The following SF3A3 variants were observed in gnomAD, a reference collection of about 807,000 sequenced individuals.
SF3A3 encodes splicing factor 3a subunit 3.
A neutral mutation model predicts 85.8 loss-of-function variants in SF3A3; 9 were observed. The ratio of observed to expected loss-of-function variants is 0.10; its 90% CI spans 0.06 to 0.18. The LOEUF (loss-of-function observed/expected upper bound fraction) is 0.18. Among genes scored for constraint, SF3A3 ranks in the 10% least tolerant of loss-of-function variants. SF3A3 has a pLI of 1.00. For synonymous variants in SF3A3, 195 were observed against 204.4 expected (o/e 0.95, Z 0.39); for missense variants, 306 against 593.3 (o/e 0.52, Z 5.03).
intron 6 of SF3A3, 184 bp downstream of exon 6, chr1:37,983,985 T>C: frequency 2.3e-6 from 1 of 438,800 alleles, no homozygotes; most frequent in Non-Finnish European, 4.0e-6. Context: ...TTGTTTTCAC[T>C]GTAGAAAACT....
intron 15 of SF3A3, among the ~76,000 whole-genome samples, chr1:37,961,350 T>C (rs1205819987): frequency 6.6e-6 from 1 of 152,076 alleles, no homozygotes; most frequent in Non-Finnish European, 1.5e-5. Flanking sequence ...TTTGGGAAGC[T>C]GAGGCAGGCG....
chr1:37,982,339 T>C (rs1344423199), intron 6 of SF3A3, among the ~76,000 whole-genome samples: 3 of 152,142 alleles, frequency 2.0e-5, no homozygotes, highest in South Asian at 2.1e-4. Flanking sequence ...CCTTTTGAGA[T>C]TGTCATATTA....
chr1:37,988,851 G>A (rs1167398282), intron 2 of SF3A3, among the ~76,000 whole-genome samples: 2 of 148,432 alleles, frequency 1.3e-5, no homozygotes, highest in African/African-American at 2.6e-5. Context: ...TAACATACGG[G>A]GTGTGTTGTG....
At chr1:37,981,873 A>G (rs1182215207) in intron 6 of SF3A3, 62 bp from the exon 7 acceptor site, 21 of 924,084 alleles carry the variant, frequency 2.3e-5, no homozygotes, top group Non-Finnish European at 3.4e-5. Context: ...ACAAGTTACA[A>G]TATAATCTCC....
At chr1:37,972,213 C>T (rs1271782899) in intron 12 of SF3A3, among the ~76,000 whole-genome samples, 1 of 152,142 alleles carries the variant, frequency 6.6e-6, no homozygotes, top group Non-Finnish European at 1.5e-5. Context: ...ACACCAATAA[C>T]AGATAAACGG....
rs10673830 is a variant in SF3A3, at chr1:37,985,949, C to CTTTTTTT, written c.304-1177_304-1171dup. ...TTCTCCCCTTCTTTTTCCTACCAGA[C>CTTTTTTT]TTTTTTTTTTTTTTTTTTTGACGGA... is the stretch of plus-strand genomic sequence containing the variant. On this transcript the variant is annotated intron_variant, in intron 4 of 16. Transcript: ENST00000373019. Among the ~76,000 whole-genome samples the CTTTTTTT allele has an allele frequency of 2.5e-5, 3 of 118,938 alleles. 1 individual carries two copies. Among genetic ancestry groups the CTTTTTTT allele is most frequent in the Non-Finnish European group, 3.3e-5 (2 of 60,474 alleles). The allele number at this position is 118,938 out of a possible 152,430, so 78.0% of individuals were successfully genotyped here.
chr1:37,982,661 C>T lies in SF3A3; in HGVS notation c.469-850G>A, dbSNP rs145984878. ...TGCTGGGGTTACAGGCGTGAGCCACCGCGCCCGGCCTGTGATAAGCTATTT... is the reference window on the plus strand; with the variant it reads ...TGCTGGGGTTACAGGCGTGAGCCACTGCGCCCGGCCTGTGATAAGCTATTT... On this transcript the variant is annotated intron_variant, in intron 6 of 16. Coordinates refer to ENST00000373019, the MANE Select transcript of SF3A3 (RefSeq NM_006802.4). 2.5e-4 allele frequency among the ~76,000 whole-genome samples: 38 copies of T among 151,906 alleles called. No homozygotes were observed. The South Asian group carries it at 3.7e-3, about 15-fold the overall frequency.
At chr1:37,979,609 AT>A in intron 8 of SF3A3, 76 bp from the exon 9 acceptor site, 1 of 1,126,796 alleles carries the variant, frequency 8.9e-7, no homozygotes, top group Non-Finnish European at 1.3e-6. Context: ...TAATCTCAGC[AT>A]TTTGGGAGGC....
rs1646315905 is a variant in SF3A3, at chr1:37,968,209, C to T, written c.1282-75G>A. 31 of 873,140 alleles carry T rather than the reference C, an allele frequency of 3.6e-5. No individual in the cohort carries two copies. In the South Asian group the frequency reaches 4.2e-4, roughly 12 times the overall value. The allele number at this position is 873,140 out of a possible 1,614,324, so 54.1% of individuals were successfully genotyped here. A position where few individuals can be genotyped will look rare whatever the true frequency, so the allele number is the denominator to read the frequency against. ...CACAGAGCACTAACTCCATTCTACT[C>T]ATAAATCCTAACATGGCCCTTTGCA... On this transcript the variant is annotated intron_variant, in intron 14 of 16. Coordinates refer to ENST00000373019, the MANE Select transcript of SF3A3 (RefSeq NM_006802.4).
chr1:37,960,398 A>C (rs1646248866), intron 15 of SF3A3: 2 of 501,694 alleles, frequency 4.0e-6, no homozygotes, highest in South Asian at 7.0e-5. Context: ...AGTTGGATCA[A>C]ATATAACCAA....
At chr1:37,960,951 CCAA>C (rs1459559478) in intron 15 of SF3A3, among the ~76,000 whole-genome samples, 1 of 151,956 alleles carries the variant, frequency 6.6e-6, no homozygotes, top group African/African-American at 2.4e-5. Context: ...CTGTGCCTGG[CCAA>C]CAACTTGAAT....
intron 4 of SF3A3, among the ~76,000 whole-genome samples, chr1:37,986,556 A>C (rs1223350070): frequency 1.3e-5 from 2 of 151,838 alleles, no homozygotes; most frequent in Non-Finnish European, 2.9e-5. Context: ...TCATGCCTGT[A>C]ATCCCAGCAC....
intron 2 of SF3A3, among the ~76,000 whole-genome samples, chr1:37,988,223 C>T (rs761678431): frequency 2.6e-5 from 4 of 152,168 alleles, no homozygotes; most frequent in Admixed American, 1.3e-4. Context: ...TATTTCAAAA[C>T]GCTTGACTGA....
At chr1:37,989,466 C>G (rs1299577981) in intron 2 of SF3A3, 82 bp downstream of exon 2, 1 of 1,477,936 alleles carries the variant, frequency 6.8e-7, no homozygotes, top group Non-Finnish European at 9.3e-7. Context: ...GCCAGGGACT[C>G]ATGCTGAGAC....
intron 16 of SF3A3, 113 bp downstream of exon 16, chr1:37,960,007 A>T: frequency 1.4e-6 from 1 of 721,770 alleles, no homozygotes. Context: ...ATATTGTCAC[A>T]TTCTACTCGC....
At chr1:37,967,894 CAG>C (rs1430275859) in intron 15 of SF3A3, 148 bp downstream of exon 15, 3 of 641,674 alleles carry the variant, frequency 4.7e-6, no homozygotes, top group Admixed American at 2.4e-5. Flanking sequence ...AAACAAAAAA[CAG>C]AAATGCAATA....
At chr1:37,967,244 ACTCGT>A (rs951521106) in intron 15 of SF3A3, among the ~76,000 whole-genome samples, 9 of 144,292 alleles carry the variant, frequency 6.2e-5, no homozygotes, top group Non-Finnish European at 1.4e-4. Flanking sequence ...ACAGAGTGAG[ACTCGT>A]CTCAGAAACA....
chr1:37,971,616 C>T (rs1646345106), intron 12 of SF3A3, among the ~76,000 whole-genome samples: 1 of 152,168 alleles, frequency 6.6e-6, no homozygotes, highest in Admixed American at 6.5e-5. Context: ...CAATAAAATA[C>T]TGGCAAACTG....
At chr1:37,987,444 G>A in intron 4 of SF3A3, 129 bp downstream of exon 4, 1 of 694,428 alleles carries the variant, frequency 1.4e-6, no homozygotes. Flanking sequence ...GCTAACTATG[G>A]TCCTTGCAGC....
Sources: gnomAD v4.1 joint callset for allele counts (sites outside exome capture counted in the v4.1 genomes callset) on GRCh38, gnomAD v4.1.1 for gene constraint, MANE v1.5 for transcripts, NCBI Gene and HGNC (gene_info 2026-07-23, HGNC 2026-07-21) for gene names.